RSRP1: variants seen among roughly 807,000 people sequenced by gnomAD.
RSRP1 encodes arginine/serine-rich protein 1.
In RSRP1, 37 loss-of-function variants were observed where a neutral mutation model predicts 33.0. The observed-to-expected ratio is 1.12, with a 90% CI of 0.86 to 1.48. The LOEUF (loss-of-function observed/expected upper bound fraction) is 1.48, where lower values mean the gene tolerates loss of function less well. RSRP1 is among the 40% of genes most tolerant of loss of function. The pLI, the probability that RSRP1 is intolerant of heterozygous loss-of-function variation, is 0.00. For synonymous variants in RSRP1, 167 were observed against 158.7 expected (o/e 1.05, Z -0.40); for missense variants, 402 against 385.3 (o/e 1.04, Z -0.36).
intron 1 of RSRP1, among the ~76,000 whole-genome samples, chr1:25,276,586 T>A (rs1641017664): frequency 8.7e-6 from 1 of 114,620 alleles, no homozygotes; most frequent in Admixed American, 8.4e-5. Context: ...TGGTGGCACA[T>A]GCCTATAGTC....
At position 25,301,326 on chromosome 1, in the gene RSRP1, T is replaced by TGTCTGTAAAA. The variant is rs1488125706; in HGVS notation, c.-67+36651_-67+36652insTTTTACAGAC. On this transcript the variant is annotated intron_variant, in intron 1 of 1. Transcript: ENST00000561867. ...ATGCAGATTTCAACCCTCTTGGCCT[T>TGTCTGTAAAA]TGTTTCCTTGTCTGTAAAATGTGGT... 1.5e-5 allele frequency among the ~76,000 whole-genome samples: 2 copies of TGTCTGTAAAA among 130,316 alleles called. 1 individual carries two copies. Among genetic ancestry groups the TGTCTGTAAAA allele is most frequent in the Non-Finnish European group, 3.6e-5 (2 of 55,334 alleles). The allele number at this position is 130,316 out of a possible 152,430, so 85.5% of individuals were successfully genotyped here. A position where few individuals can be genotyped will look rare whatever the true frequency, so the allele number is the denominator to read the frequency against.
chr1:25,272,802 A>G (rs1411768480), intron 1 of RSRP1: 3 of 1,272,898 alleles, frequency 2.4e-6, no homozygotes, highest in South Asian at 1.2e-5. Context: ...CAAAATCCCA[A>G]GGAAAAAGAT....
In RSRP1 at chr1:25,271,125, C is replaced by G. The variant is rs1339515308; in HGVS notation, c.-66-24096G>C. ...TGTCCTGTAGTTTTCTTAACCAACC[C>G]CCTGCTAGTGGACATTTAGGTTAGT... is the stretch of plus-strand genomic sequence containing the variant. On this transcript the variant is annotated intron_variant, in intron 1 of 1. Transcript: ENST00000561867. 1.5e-5 allele frequency among the ~76,000 whole-genome samples: 2 copies of G among 132,166 alleles called. 1 individual carries two copies. The highest frequency in any genetic ancestry group is 3.6e-5 in the Non-Finnish European group (2 of 55,844). 86.7% of individuals were successfully genotyped at this position (132,166 alleles called of 152,430 possible).
At chr1:25,244,284 C>T (rs541431042) in intron 3 of RSRP1, 3 of 1,288,678 alleles carry the variant, frequency 2.3e-6, no homozygotes, top group East Asian at 5.5e-5. Context: ...CCCACCGTTA[C>T]AACGTGTACC....
intron 3 of RSRP1, chr1:25,244,666 C>T (rs1182571449): frequency 2.5e-6 from 3 of 1,204,854 alleles, no homozygotes; most frequent in Non-Finnish European, 3.1e-6. Flanking sequence ...TAAGAGTACA[C>T]TGTTAACTGA....
At chr1:25,251,079 G>GAACT (rs2124551418), upstream of RSRP1, among the ~76,000 whole-genome samples, 1 of 151,920 alleles carries the variant, frequency 6.6e-6, no homozygotes, top group South Asian at 2.1e-4. Flanking sequence ...GGCAGGGAAA[G>GAACT]AACTCTAGGG....
At chr1:25,273,302 A>AATTT (rs1553137277) in intron 1 of RSRP1, among the ~76,000 whole-genome samples, 19 of 97,738 alleles carry the variant, frequency 1.9e-4, no homozygotes, top group African/African-American at 7.0e-4. Context: ...TGCCTGGCTA[A>AATTT]TTTTTTTTTT....
chr1:25,300,558 C>T (rs1340934686), intron 1 of RSRP1, among the ~76,000 whole-genome samples: 1 of 128,726 alleles, frequency 7.8e-6, no homozygotes, highest in Non-Finnish European at 1.8e-5. Flanking sequence ...GCCTGTAATC[C>T]CAGCACTTTG....
intron 1 of RSRP1, chr1:25,304,920 T>C (rs1643678410): frequency 7.6e-6 from 1 of 132,204 alleles, no homozygotes; most frequent in African/African-American, 2.6e-5. Flanking sequence ...CTTGACTTCA[T>C]CACTGGCAGG....
intron 1 of RSRP1, among the ~76,000 whole-genome samples, chr1:25,257,597 ATT>A (rs71712758): frequency 4.7e-4 from 62 of 131,156 alleles, no homozygotes; most frequent in African/African-American, 6.1e-4. Context: ...GGAGATGCAG[ATT>A]TTTTTTTTTT....
rs1416162739 is a variant in RSRP1 at position 25,287,969 on chromosome 1, T to C, written c.-66-40940A>G. On this transcript the variant is annotated intron_variant, in intron 1 of 1. Coordinates refer to the RSRP1 transcript ENST00000561867. ...AACTCCCGACCTCAAGTGATCCACC[T>C]GCCTAGGCCTCCCAAAGTACTGGGA... 1.5e-5 allele frequency among the ~76,000 whole-genome samples: 2 copies of C among 132,490 alleles called. 1 individual carries two copies. Among genetic ancestry groups the C allele is most frequent in the Non-Finnish European group, 3.6e-5 (2 of 55,796 alleles). The allele number at this position is 132,490 out of a possible 152,430, so 86.9% of individuals were successfully genotyped here. A position where few individuals can be genotyped will look rare whatever the true frequency, so the allele number is the denominator to read the frequency against.
chr1:25,243,569 C>G lies in RSRP1; in HGVS notation c.737G>C (p.Ser246Thr), dbSNP rs1256063139. The stretch of plus-strand genomic sequence containing the variant: ...ACTTACATTAGAGCTAAAAGCTATG[C>G]TTCTTTGCTGGGTAGGTTTTTCATT... The part of the protein sequence containing the change: ...NPNEKPTQQR[S>T]IAFSSNNSVA... The change falls in exon 4 of 5, where the codon AGC becomes ACC. Residue 246 changes from serine (S) to threonine (T), a missense_variant. Coordinates refer to ENST00000243189, the MANE Select transcript of RSRP1 (RefSeq NM_020317.5). 2.5e-6 allele frequency: 4 copies of G among 1,613,638 alleles called. No homozygotes were observed. The highest frequency in any genetic ancestry group is 3.4e-6 in the Non-Finnish European group (4 of 1,179,844).
chr1:25,253,593 T>C (rs1360277395), intron 1 of RSRP1: 1 of 152,236 alleles, frequency 6.6e-6, no homozygotes, highest in African/African-American at 2.4e-5. Context: ...ACTCCCGACC[T>C]CAGGTGATCC....
At chr1:25,336,482 T>A (rs2124216959) in intron 1 of RSRP1, 1 of 147,010 alleles carries the variant, frequency 6.8e-6, no homozygotes, top group East Asian at 1.9e-4. Context: ...CAAACATTCA[T>A]TAAGTCCCAA....
rs1571786768 is a variant in RSRP1 at position 25,334,668 on chromosome 1, C to T, written c.-67+3310G>A. ...TGGGCATCCAGGCATTTCCGCACATCCTCTTTAATCTAGGCGAAGGTTTCC... is the reference window on the plus strand; with the variant it reads ...TGGGCATCCAGGCATTTCCGCACATTCTCTTTAATCTAGGCGAAGGTTTCC... On this transcript the variant is annotated intron_variant, in intron 1 of 1. Coordinates refer to the RSRP1 transcript ENST00000561867. Among the ~76,000 whole-genome samples the T allele has an allele frequency of 2.3e-5, 3 of 133,162 alleles. 1 individual carries two copies. The East Asian group carries it at 5.8e-4, about 26-fold the overall frequency. The allele number at this position is 133,162 out of a possible 152,430, so 87.4% of individuals were successfully genotyped here.
At position 25,318,536 on chromosome 1, in the gene RSRP1, C is replaced by T. The variant is rs1644530419; in HGVS notation, c.-67+19442G>A. ...CCAGGAGGTGGAGGTTATAGTGAGT[C>T]GAGGTTGCACCACTGCCCTCCAGCC... On this transcript the variant is annotated intron_variant, in intron 1 of 1. Coordinates refer to the RSRP1 transcript ENST00000561867. 3.1e-5 allele frequency among the ~76,000 whole-genome samples: 4 copies of T among 131,116 alleles called. 1 individual carries two copies. The allele number at this position is 131,116 out of a possible 152,430, so 86.0% of individuals were successfully genotyped here.
chr1:25,247,830 A>AG (rs1305435245), upstream of RSRP1: 2 of 152,494 alleles, frequency 1.3e-5, no homozygotes, highest in African/African-American at 4.8e-5. Context: ...TAGGGCCGGG[A>AG]GAGGAGCGGC....
intron 1 of RSRP1, among the ~76,000 whole-genome samples, chr1:25,289,519 G>T (rs1393845851): frequency 1.5e-5 from 2 of 131,420 alleles, no homozygotes; most frequent in African/African-American, 5.2e-5. Context: ...TTTAAAAGAG[G>T]TGATGCTGTT....
intron 1 of RSRP1, among the ~76,000 whole-genome samples, chr1:25,259,603 A>G (rs1327783652): frequency 6.6e-6 from 1 of 151,994 alleles, no homozygotes; most frequent in Non-Finnish European, 1.5e-5. Flanking sequence ...CCCAGGTTCA[A>G]GTGATTCTCC....
Sources: allele counts gnomAD v4.1 joint callset (sites outside exome capture counted in the v4.1 genomes callset), GRCh38; gene constraint gnomAD v4.1.1; transcripts MANE v1.5; gene names NCBI Gene and HGNC (gene_info 2026-07-23, HGNC 2026-07-21).